JMY: variants seen among roughly 807,000 people sequenced by gnomAD.
JMY encodes the protein junction mediating and regulatory protein, p53 cofactor.
Under a neutral mutation model 103.3 loss-of-function variants are expected in JMY, and 46 were observed. The observed-to-expected ratio is 0.45, with a 90% CI of 0.35 to 0.57. JMY has a LOEUF of 0.57. JMY is among the 20% of genes least tolerant of loss of function. JMY has a pLI of 0.00. For synonymous variants in JMY, 526 were observed against 489.3 expected (o/e 1.07, Z -0.99); for missense variants, 1,238 against 1,255.2 (o/e 0.99, Z 0.21).
At chr5:79,290,489 G>A (rs2112097960) in intron 3 of JMY, among the ~76,000 whole-genome samples, 1 of 151,910 alleles carries the variant, frequency 6.6e-6, no homozygotes, top group East Asian at 1.9e-4. Context: ...GTAAATAATT[G>A]TGTTTCTACT....
chr5:79,323,727 C>T lies in JMY; in HGVS notation c.*2125C>T, dbSNP rs1469087751. On this transcript the variant is annotated 3_prime_UTR_variant, in exon 11 of 11. Transcript: ENST00000396137. ...ATATCTTGAGAGGGAATTTGCTACTCTTTTACTTTTGGGATTTCATTATAA... is the reference window on the plus strand; with the variant it reads ...ATATCTTGAGAGGGAATTTGCTACTTTTTTACTTTTGGGATTTCATTATAA... The T allele has an allele frequency of 6.6e-6, 1 of 152,108 alleles. No individual in the cohort carries two copies. The highest frequency in any genetic ancestry group is 2.4e-5 in the African/African-American group (1 of 41,424). The allele number at this position is 152,108 out of a possible 1,614,324, so 9.4% of individuals were successfully genotyped here. A position where few individuals can be genotyped will look rare whatever the true frequency, so the allele number is the denominator to read the frequency against.
intron 1 of JMY, 135 bp from the exon 2 acceptor site, chr5:79,277,775 G>T: frequency 4.8e-6 from 3 of 629,500 alleles, no homozygotes; most frequent in Non-Finnish European, 7.8e-6. Context: ...ATGAAAAGCA[G>T]TCAATGCTTT....
At position 79,316,251 on chromosome 5, in the gene JMY, TC is replaced by T; in HGVS notation, c.2915del (p.Pro972GlnfsTer20). On this transcript the variant is annotated frameshift_variant, in exon 10 of 11. Coordinates refer to ENST00000396137, the MANE Select transcript of JMY (RefSeq NM_152405.5). LOFTEE classifies it high-confidence loss of function. ...AGCTCTTAGAAGAATTAAAGAAGCATCCCCAGAGTCAGAGGACGAAGAGGAG... is the reference window on the plus strand; with the variant it reads ...AGCTCTTAGAAGAATTAAAGAAGCATCCCAGAGTCAGAGGACGAAGAGGAG... Reference protein sequence around the residue: ...HEALRRIKEASPESEDEEEAL... With the variant: ...HEALRRIKEAXPESEDEEEAL... The T allele has an allele frequency of 6.2e-7, 1 of 1,613,884 alleles. No individual in the cohort carries two copies. The highest frequency in any genetic ancestry group is 8.5e-7 in the Non-Finnish European group (1 of 1,179,912).
chr5:79,318,725 C>G (rs1423639294), intron 10 of JMY, among the ~76,000 whole-genome samples: 1 of 148,744 alleles, frequency 6.7e-6, no homozygotes, highest in East Asian at 2.0e-4. Flanking sequence ...CATATGTCCA[C>G]TATGCTTTGT....
At chr5:79,295,735 G>A (rs1272720269) in intron 4 of JMY, among the ~76,000 whole-genome samples, 2 of 152,202 alleles carry the variant, frequency 1.3e-5, no homozygotes, top group Non-Finnish European at 2.9e-5. Flanking sequence ...CACAGCCTGA[G>A]TCTGAGCTGA....
intron 1 of JMY, among the ~76,000 whole-genome samples, chr5:79,255,259 G>A (rs1745207093): frequency 6.6e-6 from 1 of 151,654 alleles, no homozygotes; most frequent in Non-Finnish European, 1.5e-5. Context: ...ACCACGCCTG[G>A]CTAATTTTTG....
chr5:79,309,717 A>G (rs755216175), intron 7 of JMY, among the ~76,000 whole-genome samples: 1 of 152,080 alleles, frequency 6.6e-6, no homozygotes, highest in Non-Finnish European at 1.5e-5. Flanking sequence ...CATAAACTAT[A>G]AGATTACCTT....
intron 4 of JMY, among the ~76,000 whole-genome samples, chr5:79,292,403 A>G (rs1201951109): frequency 6.6e-6 from 1 of 151,924 alleles, no homozygotes; most frequent in Non-Finnish European, 1.5e-5. Context: ...TGCAGCCCTG[A>G]CCTCTTGGGG....
In JMY at chr5:79,290,247, G is replaced by A. The variant is rs758053579; in HGVS notation, c.1333G>A (p.Glu445Lys). Residue 445 changes from glutamate (E) to lysine (K), a missense_variant, in exon 3 of 11, where the codon GAA (glutamate) becomes AAA (lysine). Physicochemically the swap from Glu to Lys is moderately conservative, Grantham distance 56. Transcript: ENST00000396137. The part of the protein sequence containing the change: ...SIQDLTVKYF[E>K]ITAKAQKAVY... ...TCAAGATCTTACTGTCAAGTACTTTGAAATAACAGCTAAAGCTCAAAAAGG... is the reference window on the plus strand; with the variant it reads ...TCAAGATCTTACTGTCAAGTACTTTAAAATAACAGCTAAAGCTCAAAAAGG... 3 of 1,509,862 alleles carry A rather than the reference G, an allele frequency of 2.0e-6. No homozygotes were observed. In the Admixed American group the frequency reaches 6.0e-5, roughly 30 times the overall value. The allele number at this position is 1,509,862 out of a possible 1,614,324, so 93.5% of individuals were successfully genotyped here.
At chr5:79,241,313 A>C (rs924800815) in intron 1 of JMY, among the ~76,000 whole-genome samples, 11 of 152,352 alleles carry the variant, frequency 7.2e-5, no homozygotes, top group African/African-American at 2.6e-4. Flanking sequence ...ATTAGTGGAT[A>C]AAGGAAACTA....
At chr5:79,265,780 CTTTTT>C (rs34354467) in intron 1 of JMY, among the ~76,000 whole-genome samples, 1 of 116,204 alleles carries the variant, frequency 8.6e-6, no homozygotes, top group Admixed American at 9.1e-5. Context: ...TGTGATGATT[CTTTTT>C]TTTTTTTTTT....
intron 1 of JMY, among the ~76,000 whole-genome samples, chr5:79,270,657 T>A (rs968488003): frequency 6.8e-6 from 1 of 146,354 alleles, no homozygotes; most frequent in Non-Finnish European, 1.5e-5. Flanking sequence ...ATAAAATATA[T>A]ATTTACATAA....
intron 1 of JMY, among the ~76,000 whole-genome samples, chr5:79,251,852 G>A (rs1745093655): frequency 6.6e-6 from 1 of 151,996 alleles, no homozygotes; most frequent in South Asian, 2.1e-4. Context: ...TCAGCTCACT[G>A]GAACCTCTGC....
chr5:79,278,728 G>A (rs1260580956), intron 2 of JMY, among the ~76,000 whole-genome samples: 1 of 151,118 alleles, frequency 6.6e-6, no homozygotes, highest in African/African-American at 2.4e-5. Context: ...CCATGATTGT[G>A]CCACTGCACT....
rs1265326415 is a variant in JMY, at chr5:79,325,318, T to C, written c.*3716T>C. Reference sequence around the variant, plus strand: ...AGTACTATTGGGTCCTTAAGGGCTCTATCAGGGAGTTGAAATTTCATACGC... The same window carrying C: ...AGTACTATTGGGTCCTTAAGGGCTCCATCAGGGAGTTGAAATTTCATACGC... On this transcript the variant is annotated 3_prime_UTR_variant, in exon 11 of 11. Coordinates refer to ENST00000396137, the MANE Select transcript of JMY (RefSeq NM_152405.5). 3 of 152,184 alleles carry C rather than the reference T, an allele frequency of 2.0e-5. No homozygotes were observed. Among genetic ancestry groups the C allele is most frequent in the Non-Finnish European group, 4.4e-5 (3 of 68,008 alleles). 9.4% of individuals were successfully genotyped at this position (152,184 alleles called of 1,614,324 possible).
chr5:79,310,117 C>CA (rs1324519595), intron 7 of JMY, among the ~76,000 whole-genome samples: 1 of 119,038 alleles, frequency 8.4e-6, no homozygotes, highest in Non-Finnish European at 1.6e-5. Flanking sequence ...GGCTGAAGTG[C>CA]AGTGGTGCCA....
chr5:79,237,517 C>G lies in JMY; in HGVS notation c.867C>G (p.Leu289=), dbSNP rs779977048. 8.7e-6 allele frequency: 14 copies of G among 1,613,674 alleles called. No individual in the cohort carries two copies. The Admixed American group carries it at 1.8e-4, about 21-fold the overall frequency. ...EQEIDTLCYQ[L]QVYLGHGLDT... ...AAATCGACACTCTGTGTTACCAGCT[C>G]CAGGTCTACCTGGGCCACGGCCTGG... Residue 289 remains leucine, a synonymous_variant, in exon 1 of 11, where the codon CTC becomes CTG. Coordinates refer to ENST00000396137, the MANE Select transcript of JMY (RefSeq NM_152405.5).
chr5:79,294,376 C>T (rs933387380), intron 4 of JMY, among the ~76,000 whole-genome samples: 1 of 152,086 alleles, frequency 6.6e-6, no homozygotes, highest in Admixed American at 6.5e-5. Context: ...TGCACTCCAA[C>T]AGCTTGGGCG....
At position 79,306,469 on chromosome 5, in the gene JMY, T is replaced by G. The variant is rs1352303178; in HGVS notation, c.1968+8T>G. The G allele has an allele frequency of 6.3e-7, 1 of 1,589,214 alleles. No individual in the cohort carries two copies. The highest frequency in any genetic ancestry group is 1.7e-5 in the Admixed American group (1 of 58,828). Reference sequence around the variant, plus strand: ...CATCACACAGTACAACTAGTAAGTTTGGATTCGAAGATTTTGAACAAAACT... The same window carrying G: ...CATCACACAGTACAACTAGTAAGTTGGGATTCGAAGATTTTGAACAAAACT... On this transcript the variant is annotated splice_region_variant and intron_variant, in intron 7 of 10. Coordinates refer to ENST00000396137, the MANE Select transcript of JMY (RefSeq NM_152405.5).
Sources: gnomAD v4.1 joint callset for allele counts (sites outside exome capture counted in the v4.1 genomes callset) on GRCh38, gnomAD v4.1.1 for gene constraint, MANE v1.5 for transcripts, NCBI Gene and HGNC (gene_info 2026-07-23, HGNC 2026-07-21) for gene names.